PRDX5: variants seen among roughly 807,000 people sequenced by gnomAD.
The protein encoded by PRDX5 is peroxiredoxin 5, also known as peroxiredoxin-5, mitochondrial.
Under a neutral mutation model 23.8 loss-of-function variants are expected in PRDX5, and 21 were observed. The ratio of observed to expected loss-of-function variants is 0.88; its 90% CI spans 0.63 to 1.27. The LOEUF (loss-of-function observed/expected upper bound fraction) is 1.27. Among genes scored for constraint, PRDX5 ranks in the 50% most tolerant of loss-of-function variants. The pLI, the probability that PRDX5 is intolerant of heterozygous loss-of-function variation, is 0.00. For missense variants in PRDX5, 261 were observed against 270.6 expected (o/e 0.96, Z 0.25); for synonymous variants, 111 against 113.3 (o/e 0.98, Z 0.13).
intron 1 of PRDX5, among the ~76,000 whole-genome samples, chr11:64,319,387 C>T (rs896778061): frequency 1.6e-4 from 25 of 152,298 alleles, no homozygotes; most frequent in African/African-American, 5.5e-4. Flanking sequence ...CCTCCTCACC[C>T]CCAAATACAG....
intron 1 of PRDX5, 41 bp from the exon 2 acceptor site, chr11:64,319,693 C>T (rs375049931): frequency 1.6e-5 from 25 of 1,588,426 alleles, no homozygotes; most frequent in South Asian, 5.7e-5. Flanking sequence ...TGGTTTGCCC[C>T]GGCTCCCTCA....
chr11:64,318,837 ACCCCCCCCGC>A (rs2035404052), intron 1 of PRDX5, among the ~76,000 whole-genome samples: 1 of 77,406 alleles, frequency 1.3e-5, no homozygotes. Flanking sequence ...CCTCAGGTGA[ACCCCCCCCGC>A]CCCCCCCCGC....
rs755810336 is a variant in PRDX5 at position 64,319,790 on chromosome 11, G to A, written c.228G>A (p.Val76=). Residue 76 remains valine (V), a synonymous_variant, in exon 2 of 6, where the codon GTG becomes GTA. Coordinates refer to ENST00000265462, the MANE Select transcript of PRDX5 (RefSeq NM_012094.5). Reference sequence around the variant, plus strand: ...TTGAAGGGGAGCCAGGGAACAAGGTGAACCTGGCAGAGCTGTTCAAGGGCA... The same window carrying A: ...TTGAAGGGGAGCCAGGGAACAAGGTAAACCTGGCAGAGCTGTTCAAGGGCA... ...EVFEGEPGNK[V]NLAELFKGKK... 2.5e-6 allele frequency: 4 copies of A among 1,614,158 alleles called. No homozygotes were observed. The highest frequency in any genetic ancestry group is 2.2e-5 in the East Asian group (1 of 44,884).
At position 64,321,620 on chromosome 11, in the gene PRDX5, G is replaced by T. The variant is rs923062745; in HGVS notation, c.574G>T (p.Ala192Ser). The T allele has an allele frequency of 1.3e-5, 21 of 1,613,584 alleles. No individual in the cohort carries two copies. Among genetic ancestry groups the T allele is most frequent in the Admixed American group, 1.7e-5 (1 of 59,960 alleles). Residue 192 changes from alanine (A) to serine (S), a missense_variant, in exon 6 of 6, where the codon GCC becomes TCC. Physicochemically the swap from Ala to Ser is moderately conservative, Grantham distance 99 (BLOSUM62 1). Coordinates refer to ENST00000265462, the MANE Select transcript of PRDX5 (RefSeq NM_012094.5). ...GGTGGTACAGGATGGCATAGTGAAG[G>T]CCCTGAATGTGGAACCAGATGGCAC... ...SMVVQDGIVK[A>S]LNVEPDGTGL...
chr11:64,321,800 G>A lies in PRDX5; in HGVS notation c.*109G>A. 7.4e-7 allele frequency: 1 copy of A among 1,359,322 alleles called. No homozygotes were observed. The highest frequency in any genetic ancestry group is 9.8e-7 in the Non-Finnish European group (1 of 1,016,148). The allele number at this position is 1,359,322 out of a possible 1,614,324, so 84.2% of individuals were successfully genotyped here. ...CCAGATTTCTGCAATAAACACTTGT[G>A]GTTTGCGGCCATCTCCTTGGTTATG... On this transcript the variant is annotated 3_prime_UTR_variant, in exon 6 of 6. Coordinates refer to ENST00000265462, the MANE Select transcript of PRDX5 (RefSeq NM_012094.5).
At position 64,319,781 on chromosome 11, in the gene PRDX5, G is replaced by A; in HGVS notation, c.219G>A (p.Gly73=). ...TGGAGGTGTTTGAAGGGGAGCCAGGGAACAAGGTGAACCTGGCAGAGCTGT... is the reference window on the plus strand; with the variant it reads ...TGGAGGTGTTTGAAGGGGAGCCAGGAAACAAGGTGAACCTGGCAGAGCTGT... The part of the protein sequence containing the change: ...PAVEVFEGEP[G]NKVNLAELFK... Residue 73 remains glycine, a synonymous_variant, in exon 2 of 6, where the codon GGG becomes GGA. Transcript: ENST00000265462. 1.2e-6 allele frequency: 2 copies of A among 1,614,120 alleles called. No homozygotes were observed. Among genetic ancestry groups the A allele is most frequent in the Non-Finnish European group, 1.7e-6 (2 of 1,179,968 alleles).
At chr11:64,318,976 C>T (rs570866425) in intron 1 of PRDX5, among the ~76,000 whole-genome samples, 31 of 151,548 alleles carry the variant, frequency 2.0e-4, no homozygotes, top group African/African-American at 7.3e-4. Context: ...CATCCCACTC[C>T]ATGACCTCCC....
chr11:64,319,429 C>G (rs913596975), intron 1 of PRDX5, among the ~76,000 whole-genome samples: 1 of 152,198 alleles, frequency 6.6e-6, no homozygotes, highest in Admixed American at 6.5e-5. Flanking sequence ...TATTCCACTC[C>G]TTTCCTGTAA....
Position 64,318,190 on chromosome 11 carries a change from G to A in PRDX5, c.-26G>A. ...GCTGCGGTGGCACCAGCCAGGAGGCGGAGTGGAAGTGGCCGTGGGGCGGGT... is the reference window on the plus strand; with the variant it reads ...GCTGCGGTGGCACCAGCCAGGAGGCAGAGTGGAAGTGGCCGTGGGGCGGGT... On this transcript the variant is annotated 5_prime_UTR_variant, in exon 1 of 6. Coordinates refer to ENST00000265462, the MANE Select transcript of PRDX5 (RefSeq NM_012094.5). 1.2e-6 allele frequency: 2 copies of A among 1,610,288 alleles called. No individual in the cohort carries two copies. Among genetic ancestry groups the A allele is most frequent in the Non-Finnish European group, 8.5e-7 (1 of 1,179,134 alleles).
chr11:64,318,408 C>G (rs751417950), intron 1 of PRDX5, 22 bp downstream of exon 1: 1 of 1,589,700 alleles, frequency 6.3e-7, no homozygotes, highest in Non-Finnish European at 8.5e-7. Context: ...CCCGGCCGGG[C>G]CTGACATCCC....
Position 64,321,056 on chromosome 11 carries a change from G to T in PRDX5, c.527G>T (p.Arg176Leu). 6.2e-7 allele frequency: 1 copy of T among 1,613,734 alleles called. No individual in the cohort carries two copies. The highest frequency in any genetic ancestry group is 1.1e-5 in the South Asian group (1 of 91,066). The change falls in exon 5 of 6, where the codon CGA (arginine) becomes CTA (leucine). Residue 176 changes from arginine (R) to leucine (L), a missense_variant. Transcript: ENST00000265462. ...DDSLVSIFGN[R>L]RLKRFSMVVQ... ...TCGCTGGTGTCCATCTTTGGGAATC[G>T]ACGTCTCAAGAGGTAAAAGTGGAGA...
chr11:64,318,837 A>AC (rs374862180), intron 1 of PRDX5, among the ~76,000 whole-genome samples: 2,065 of 77,374 alleles, frequency 0.027, 50 homozygotes, highest in African/African-American at 0.084. Flanking sequence ...CCTCAGGTGA[A>AC]CCCCCCCCGC....
chr11:64,321,047 T>A lies in PRDX5; in HGVS notation c.518T>A (p.Phe173Tyr). The A allele has an allele frequency of 6.2e-7, 1 of 1,614,002 alleles. No individual in the cohort carries two copies. The change falls in exon 5 of 6, where the codon TTT becomes TAT. Residue 173 changes from phenylalanine to tyrosine, a missense_variant. Phe to Tyr is a conservative substitution (Grantham distance 22, BLOSUM62 3). Transcript: ENST00000265462. ...CTAGATGATTCGCTGGTGTCCATCT[T>A]TGGGAATCGACGTCTCAAGAGGTAA... is the stretch of plus-strand genomic sequence containing the variant. The part of the protein sequence containing the change: ...LLLDDSLVSI[F>Y]GNRRLKRFSM...
Position 64,318,156 on chromosome 11 carries a change from G to A in PRDX5, c.-60G>A, listed in dbSNP as rs987743524. On this transcript the variant is annotated 5_prime_UTR_variant, in exon 1 of 6. Transcript: ENST00000265462. ...GTGTCGCCGCTGTGCCGCTAGCGGT[G>A]CCCCGCCTGCTGCGGTGGCACCAGC... 3.1e-6 allele frequency: 5 copies of A among 1,601,658 alleles called. No homozygotes were observed. Among genetic ancestry groups the A allele is most frequent in the East Asian group, 4.5e-5 (2 of 44,448 alleles).
intron 5 of PRDX5, among the ~76,000 whole-genome samples, 153 bp downstream of exon 5, chr11:64,321,221 G>T (rs1400360107): frequency 6.7e-6 from 1 of 150,080 alleles, no homozygotes; most frequent in African/African-American, 2.5e-5. Flanking sequence ...AGAGTCCTGT[G>T]TGGGGAGAGT....
intron 1 of PRDX5, among the ~76,000 whole-genome samples, chr11:64,319,469 G>A (rs1403027164): frequency 6.6e-6 from 1 of 152,128 alleles, no homozygotes; most frequent in African/African-American, 2.4e-5. Flanking sequence ...AACCCTTTGC[G>A]ACACATGGGG....
In PRDX5 at chr11:64,318,292, C is replaced by T. The variant is rs148589018; in HGVS notation, c.77C>T (p.Ala26Val). The change falls in exon 1 of 6, where the codon GCG becomes GTG. Residue 26 changes from alanine to valine, a missense_variant. Coordinates refer to ENST00000265462, the MANE Select transcript of PRDX5 (RefSeq NM_012094.5). Reference protein sequence around the residue: ...ILVGGAGGQSAAAAARRYSEG... With the variant: ...ILVGGAGGQSVAAAARRYSEG... ...GTCGGTGGGGCCGGCGGTCAGTCTG[C>T]GGCAGCGGCAGCAAGACGGTACAGT... 2.2e-5 allele frequency: 36 copies of T among 1,612,230 alleles called. No homozygotes were observed. The highest frequency in any genetic ancestry group is 3.0e-5 in the Non-Finnish European group (35 of 1,179,828).
At chr11:64,319,954 A>G in intron 2 of PRDX5, 86 bp downstream of exon 2, 2 of 1,509,324 alleles carry the variant, frequency 1.3e-6, no homozygotes, top group East Asian at 2.3e-5. Context: ...TAGGACTCCT[A>G]AAAAGCATTT....
At position 64,319,826 on chromosome 11, in the gene PRDX5, G is replaced by A. The variant is rs920459359; in HGVS notation, c.264G>A (p.Val88=). The A allele has an allele frequency of 2.5e-6, 4 of 1,614,072 alleles. No individual in the cohort carries two copies. Among genetic ancestry groups the A allele is most frequent in the Non-Finnish European group, 3.4e-6 (4 of 1,180,014 alleles). Residue 88 remains valine (V), a synonymous_variant, in exon 2 of 6, where the codon GTG becomes GTA. Coordinates refer to ENST00000265462, the MANE Select transcript of PRDX5 (RefSeq NM_012094.5). Reference sequence around the variant, plus strand: ...AGCTGTTCAAGGGCAAGAAGGGTGTGCTGTTTGGAGTTCCTGGGGCCTTCA... The same window carrying A: ...AGCTGTTCAAGGGCAAGAAGGGTGTACTGTTTGGAGTTCCTGGGGCCTTCA... ...LAELFKGKKG[V]LFGVPGAFTP...
Sources: allele counts gnomAD v4.1 joint callset (sites outside exome capture counted in the v4.1 genomes callset), GRCh38; gene constraint gnomAD v4.1.1; transcripts MANE v1.5; gene names NCBI Gene and HGNC (gene_info 2026-07-23, HGNC 2026-07-21).